The following SNX10 variants were observed in gnomAD, a reference collection of about 807,000 sequenced individuals.
The protein encoded by SNX10 is sorting nexin 10.
In SNX10, 25 loss-of-function variants were observed where a neutral mutation model predicts 28.5. That is an observed-to-expected ratio of 0.88 (90% CI 0.64 to 1.22). SNX10 has a LOEUF of 1.22. Ranked by LOEUF, SNX10 falls within the 50% of genes most tolerant of loss-of-function variation. SNX10 has a pLI of 0.00. For synonymous variants in SNX10, 62 were observed against 81.4 expected, an observed-to-expected ratio of 0.76 and a Z score of 1.28; for missense variants, 223 against 242.6, an observed-to-expected ratio of 0.92 and a Z score of 0.54.
intron 1 of SNX10, among the ~76,000 whole-genome samples, chr7:26,310,849 AT>A (rs941135877): frequency 2.6e-5 from 4 of 151,896 alleles, no homozygotes; most frequent in Non-Finnish European, 1.5e-5. Flanking sequence ...CGGCTGGCTA[AT>A]TTTTTTGTAT....
chr7:26,340,090 A>G (rs542498878), intron 1 of SNX10, among the ~76,000 whole-genome samples: 1 of 152,002 alleles, frequency 6.6e-6, no homozygotes, highest in Non-Finnish European at 1.5e-5. Context: ...CTCACTCCTT[A>G]CATGTATAGT....
chr7:26,293,486 G>A (rs1350289709), intron 1 of SNX10, among the ~76,000 whole-genome samples: 1 of 152,180 alleles, frequency 6.6e-6, no homozygotes, highest in African/African-American at 2.4e-5. Context: ...GATTACAGGG[G>A]TGAGCCACTG....
chr7:26,311,656 A>C (rs1786857857), intron 1 of SNX10, among the ~76,000 whole-genome samples: 1 of 152,036 alleles, frequency 6.6e-6, no homozygotes, highest in South Asian at 2.1e-4. Flanking sequence ...CTTACTTTTC[A>C]ATTAAATTTT....
chr7:26,315,634 C>T (rs565296950), intron 1 of SNX10, among the ~76,000 whole-genome samples: 133 of 151,396 alleles, frequency 8.8e-4, no homozygotes, highest in African/African-American at 3.1e-3. Flanking sequence ...CGCCACTGCA[C>T]TTCTAGCCTG....
chr7:26,331,918 A>C (rs1279591918), intron 1 of SNX10, among the ~76,000 whole-genome samples: 3 of 152,254 alleles, frequency 2.0e-5, no homozygotes. Flanking sequence ...GGGTTTATCC[A>C]AGTTGTAACA....
chr7:26,298,632 C>G (rs1179992503), intron 1 of SNX10, among the ~76,000 whole-genome samples: 1 of 152,178 alleles, frequency 6.6e-6, no homozygotes, highest in Non-Finnish European at 1.5e-5. Flanking sequence ...AAGGAAGTTG[C>G]TCCAAATGAG....
intron 1 of SNX10, among the ~76,000 whole-genome samples, chr7:26,320,005 A>G (rs1349288122): frequency 6.6e-6 from 1 of 151,976 alleles, no homozygotes; most frequent in Non-Finnish European, 1.5e-5. Context: ...ATTTTGAGAC[A>G]GAGTCTCACT....
At chr7:26,344,976 C>A (rs772813741) in intron 1 of SNX10, among the ~76,000 whole-genome samples, 4 of 152,188 alleles carry the variant, frequency 2.6e-5, no homozygotes, top group Non-Finnish European at 5.9e-5. Flanking sequence ...CTTCTTCCAG[C>A]CCCAGGGGCT....
At chr7:26,316,765 C>CACTG in intron 1 of SNX10, among the ~76,000 whole-genome samples, 1 of 152,192 alleles carries the variant, frequency 6.6e-6, no homozygotes. Context: ...GGAGGATGAA[C>CACTG]ACTGGGCAGC....
intron 1 of SNX10, among the ~76,000 whole-genome samples, chr7:26,342,024 C>G (rs1227037057): frequency 1.1e-5 from 1 of 94,856 alleles, no homozygotes; most frequent in East Asian, 3.4e-4. Flanking sequence ...TTCCTTTCTT[C>G]TTTCTTTTTT....
intron 1 of SNX10, among the ~76,000 whole-genome samples, chr7:26,307,377 C>T (rs766148237): frequency 9.2e-5 from 14 of 152,174 alleles, no homozygotes; most frequent in Non-Finnish European, 1.9e-4. Flanking sequence ...TCCAGTCACC[C>T]GGCCTGTGAG....
intron 1 of SNX10, among the ~76,000 whole-genome samples, chr7:26,334,342 A>T (rs1331200075): frequency 6.6e-6 from 1 of 152,206 alleles, no homozygotes; most frequent in Non-Finnish European, 1.5e-5. Context: ...ACGAGTTAGG[A>T]AGCACCTGTG....
chr7:26,322,970 G>T (rs545322220), intron 1 of SNX10, among the ~76,000 whole-genome samples: 5 of 152,096 alleles, frequency 3.3e-5, no homozygotes, highest in Non-Finnish European at 7.4e-5. Context: ...ATAGTGGACC[G>T]GGTACGGTGG....
intron 2 of SNX10, among the ~76,000 whole-genome samples, chr7:26,347,629 T>C (rs1382167127): frequency 2.0e-5 from 3 of 152,176 alleles, no homozygotes; most frequent in Non-Finnish European, 2.9e-5. Flanking sequence ...GTGGTTGGAT[T>C]ACTTGAGGTC....
At position 26,364,367 on chromosome 7, in the gene SNX10, G is replaced by A. The variant is rs1789206037; in HGVS notation, c.112-168G>A. The A allele has an allele frequency of 4.4e-6, 6 of 1,369,252 alleles. No individual in the cohort carries two copies. The highest frequency in any genetic ancestry group is 5.6e-6 in the Non-Finnish European group (6 of 1,062,334). 84.8% of individuals were successfully genotyped at this position (1,369,252 alleles called of 1,614,324 possible). The stretch of plus-strand genomic sequence containing the variant: ...TCCTGGCTGTCTTCAGGGCTGTTAT[G>A]TTCCTGGGTTATGTGCAAGATTTCA... On this transcript the variant is annotated intron_variant, in intron 3 of 6. Coordinates refer to ENST00000338523, the MANE Select transcript of SNX10 (RefSeq NM_013322.3). The surrounding 1 kb of genome is among the most constrained non-coding windows in gnomAD (Gnocchi z 4.9).
At chr7:26,309,823 T>A (rs976950457) in intron 1 of SNX10, among the ~76,000 whole-genome samples, 1 of 152,190 alleles carries the variant, frequency 6.6e-6, no homozygotes, top group Non-Finnish European at 1.5e-5. Context: ...GATCCTGGCT[T>A]CTTCACTTGA....
At chr7:26,344,163 TTCTG>T (rs1788286874) in intron 1 of SNX10, among the ~76,000 whole-genome samples, 1 of 148,284 alleles carries the variant, frequency 6.7e-6, no homozygotes, top group African/African-American at 2.5e-5. Context: ...CCATTCTACT[TTCTG>T]TCTCTGAATT....
chr7:26,344,820 A>C (rs1788316199), intron 1 of SNX10, among the ~76,000 whole-genome samples: 1 of 152,198 alleles, frequency 6.6e-6, no homozygotes, highest in Non-Finnish European at 1.5e-5. Context: ...AGCTTCTTAT[A>C]GCTGCGGCAA....
chr7:26,339,041 A>G (rs1462105594), intron 1 of SNX10, among the ~76,000 whole-genome samples: 1 of 152,142 alleles, frequency 6.6e-6, no homozygotes, highest in Admixed American at 6.5e-5. Flanking sequence ...TCTTGTAGCT[A>G]ATTTGTTAGT....
Sources: gnomAD v4.1 joint callset for allele counts (sites outside exome capture counted in the v4.1 genomes callset) on GRCh38, gnomAD v4.1.1 for gene constraint, Gnocchi (gnomAD v3.1) non-coding constraint, MANE v1.5 for transcripts, NCBI Gene and HGNC (gene_info 2026-07-23, HGNC 2026-07-21) for gene names.